NR5A2: variants seen among roughly 807,000 people sequenced by gnomAD.
The protein encoded by NR5A2 is CYP7A promoter-binding factor.
Under a neutral mutation model 62.7 loss-of-function variants are expected in NR5A2, and 26 were observed. That is an observed-to-expected ratio of 0.41 (90% confidence interval 0.30 to 0.58). The LOEUF is 0.58. Ranked by LOEUF, NR5A2 falls within the 20% of genes least tolerant of loss-of-function variation. NR5A2 has a pLI of 0.22. For missense variants in NR5A2, 541 were observed against 669.1 expected (o/e 0.81, Z 2.11); for synonymous variants, 246 against 241.7 (o/e 1.02, Z -0.16).
chr1:200,043,182 C>T (rs972051300), intron 2 of NR5A2, among the ~76,000 whole-genome samples: 1 of 152,194 alleles, frequency 6.6e-6, no homozygotes, highest in Non-Finnish European at 1.5e-5. Flanking sequence ...CAATACGGAA[C>T]TGAATGTTTC....
chr1:200,110,826 A>G (rs1322475374), intron 5 of NR5A2, among the ~76,000 whole-genome samples: 1 of 152,308 alleles, frequency 6.6e-6, no homozygotes, highest in East Asian at 1.9e-4. Context: ...TTAGATACAT[A>G]AGCATAGGCA....
intron 7 of NR5A2, among the ~76,000 whole-genome samples, chr1:200,148,906 C>CTTTTTTTTTTTTTTTTTTTTTTTTTTTTT (rs573219003): frequency 8.0e-6 from 1 of 125,296 alleles, no homozygotes; most frequent in Non-Finnish European, 1.7e-5. Flanking sequence ...GCATGCGGTA[C>CTTTTTTTTTTTTTTTTTTTTTTTTTTTTT]TTTTTTTTTT....
At chr1:200,094,633 T>C (rs1664990596) in intron 5 of NR5A2, among the ~76,000 whole-genome samples, 3 of 145,592 alleles carry the variant, frequency 2.1e-5, no homozygotes, top group Non-Finnish European at 3.0e-5. Context: ...CCTGGGTTCA[T>C]GCCATTCTCC....
chr1:200,174,267 GGGGGA>G lies in NR5A2; in HGVS notation c.*58_*62del. The G allele has an allele frequency of 6.9e-7, 1 of 1,458,368 alleles. No individual in the cohort carries two copies. The highest frequency in any genetic ancestry group is 9.1e-7 in the Non-Finnish European group (1 of 1,104,494). 90.3% of individuals were successfully genotyped at this position (1,458,368 alleles called of 1,614,324 possible). A position where few individuals can be genotyped will look rare whatever the true frequency, so the allele number is the denominator to read the frequency against. On this transcript the variant is annotated 3_prime_UTR_variant, in exon 8 of 8. Transcript: ENST00000367362. ...CAAAAAGAGATTGGGGGAGTGGGGA[GGGGGA>G]AGAAGAACAGGAAGAAAAAAAGTAC...
intron 5 of NR5A2, among the ~76,000 whole-genome samples, chr1:200,074,736 C>CAAAAAAAAAAAA (rs199556915): frequency 4.0e-4 from 27 of 67,538 alleles, no homozygotes; most frequent in East Asian, 1.3e-3. Flanking sequence ...GAGTCCATCT[C>CAAAAAAAAAAAA]AAAAAAAAAA....
chr1:200,052,944 T>G (rs1469397464), intron 5 of NR5A2, among the ~76,000 whole-genome samples: 1 of 152,188 alleles, frequency 6.6e-6, no homozygotes, highest in Non-Finnish European at 1.5e-5. Flanking sequence ...CCGGCCTACC[T>G]CTTGCTCACT....
intron 6 of NR5A2, among the ~76,000 whole-genome samples, chr1:200,113,469 G>A (rs972375107): frequency 3.3e-5 from 5 of 152,100 alleles, no homozygotes; most frequent in African/African-American, 7.2e-5. Flanking sequence ...TGCTTCTTGC[G>A]TTTCATAGGA....
rs1483492143 is a variant in NR5A2 at position 200,166,605 on chromosome 1, T to C, written c.1379-7358T>C. ...GCAAGTGACAGAAACTTGCAGGCATTGACACAATAGGGGAAAAAAAACTCC... is the reference window on the plus strand; with the variant it reads ...GCAAGTGACAGAAACTTGCAGGCATCGACACAATAGGGGAAAAAAAACTCC... On this transcript the variant is annotated intron_variant, in intron 7 of 7. Transcript: ENST00000367362. Among the ~76,000 whole-genome samples, 4 of 152,078 alleles carry C rather than the reference T, an allele frequency of 2.6e-5. No individual in the cohort carries two copies. The East Asian group carries it at 7.7e-4, about 29-fold the overall frequency.
chr1:200,174,270 G>T lies in NR5A2; in HGVS notation c.*60G>T, dbSNP rs1654322643. 6.9e-7 allele frequency: 1 copy of T among 1,452,446 alleles called. No homozygotes were observed. The highest frequency in any genetic ancestry group is 1.4e-5 in the African/African-American group (1 of 70,022). 90.0% of individuals were successfully genotyped at this position (1,452,446 alleles called of 1,614,324 possible). A position where few individuals can be genotyped will look rare whatever the true frequency, so the allele number is the denominator to read the frequency against. On this transcript the variant is annotated 3_prime_UTR_variant, in exon 8 of 8. Coordinates refer to ENST00000367362, the MANE Select transcript of NR5A2 (RefSeq NM_205860.3). ...AAAGAGATTGGGGGAGTGGGGAGGG[G>T]GAAGAAGAACAGGAAGAAAAAAAGT... is the stretch of plus-strand genomic sequence containing the variant.
chr1:200,091,677 G>T (rs929164801), intron 5 of NR5A2, among the ~76,000 whole-genome samples: 6 of 151,956 alleles, frequency 3.9e-5, no homozygotes, highest in Non-Finnish European at 7.4e-5. Context: ...TAGAGATCGG[G>T]TTTCACCATG....
intron 5 of NR5A2, among the ~76,000 whole-genome samples, chr1:200,078,693 T>C (rs891066601): frequency 6.6e-6 from 1 of 152,194 alleles, no homozygotes; most frequent in Non-Finnish European, 1.5e-5. Flanking sequence ...CTTGGACTTC[T>C]TTAAAGTAAC....
At chr1:200,127,699 AAAAAAAAAAAAT>A (rs1428411795) in intron 7 of NR5A2, among the ~76,000 whole-genome samples, 2 of 75,388 alleles carry the variant, frequency 2.7e-5, no homozygotes, top group Non-Finnish European at 5.3e-5. Context: ...AAAAAAAAAA[AAAAAAAAAAAAT>A]ATATATATAT....
At chr1:200,150,981 G>A (rs1558170145) in intron 7 of NR5A2, among the ~76,000 whole-genome samples, 1 of 152,216 alleles carries the variant, frequency 6.6e-6, no homozygotes, top group South Asian at 2.1e-4. Flanking sequence ...TTGATTTTTT[G>A]GTTGGTTCAT....
rs1661957062 is a variant in NR5A2, at chr1:200,039,578, C to A, written c.65-80C>A. On this transcript the variant is annotated intron_variant, in intron 1 of 7. Transcript: ENST00000367362. The surrounding 1 kb of genome is among the most constrained non-coding windows in gnomAD (Gnocchi z 5.1). ...GAGGCGGAGGCACGCTCCGGCGAGGCGAGAGGGTTGGGTTAGCAGGCATCC... is the reference window on the plus strand; with the variant it reads ...GAGGCGGAGGCACGCTCCGGCGAGGAGAGAGGGTTGGGTTAGCAGGCATCC... 28 of 1,584,848 alleles carry A rather than the reference C, an allele frequency of 1.8e-5. No individual in the cohort carries two copies. The highest frequency in any genetic ancestry group is 2.1e-5 in the Non-Finnish European group (25 of 1,163,382).
chr1:200,163,387 G>A (rs1022385618), intron 7 of NR5A2, among the ~76,000 whole-genome samples: 5 of 151,848 alleles, frequency 3.3e-5, no homozygotes, highest in African/African-American at 1.2e-4. Context: ...CTGAGCACTG[G>A]CCAGGCACTA....
chr1:200,105,095 A>G (rs1487102918), intron 5 of NR5A2, among the ~76,000 whole-genome samples: 3 of 152,092 alleles, frequency 2.0e-5, no homozygotes, highest in Non-Finnish European at 4.4e-5. Flanking sequence ...AGTAGCTTGA[A>G]CCATATGCGT....
chr1:200,037,460 T>C lies in NR5A2; in HGVS notation c.65-2198T>C, dbSNP rs574891449. On this transcript the variant is annotated intron_variant, in intron 1 of 7. Transcript: ENST00000367362. ...TAAGTGCACCCATAAATTCTTCGCA[T>C]TGCTGTGGGAGGAGGTTCTTCTTAA... 2.0e-5 allele frequency among the ~76,000 whole-genome samples: 3 copies of C among 152,278 alleles called. No individual in the cohort carries two copies. In the East Asian group the frequency reaches 5.8e-4, roughly 29 times the overall value.
chr1:200,115,425 C>T (rs1666170685), intron 6 of NR5A2, among the ~76,000 whole-genome samples: 1 of 152,026 alleles, frequency 6.6e-6, no homozygotes, highest in Non-Finnish European at 1.5e-5. Context: ...GTATTGAGGC[C>T]ATGTTGTTGA....
At chr1:200,032,759 T>TA (rs896882761) in intron 1 of NR5A2, among the ~76,000 whole-genome samples, 3 of 151,190 alleles carry the variant, frequency 2.0e-5, no homozygotes, top group Non-Finnish European at 2.9e-5. Flanking sequence ...TTTTACTGAT[T>TA]AAAAAATGGA....
Sources: allele counts gnomAD v4.1 joint callset (sites outside exome capture counted in the v4.1 genomes callset), GRCh38; gene constraint gnomAD v4.1.1; non-coding constraint Gnocchi (gnomAD v3.1); transcripts MANE v1.5; gene names NCBI Gene and HGNC (gene_info 2026-07-23, HGNC 2026-07-21).